The following FRMPD4 variants were observed in gnomAD, a reference collection of about 807,000 sequenced individuals.
The protein encoded by FRMPD4 is FERM and PDZ domain containing 4.
In FRMPD4, 22 loss-of-function variants were observed where a neutral mutation model predicts 94.1. That is an observed-to-expected ratio of 0.23 (90% confidence interval 0.17 to 0.33). The LOEUF is 0.33. FRMPD4 is among the 10% of genes least tolerant of loss of function. The probability of loss-of-function intolerance (pLI) is 1.00; values close to 1 mark genes in which losing one functional copy is unlikely to be tolerated. For missense variants in FRMPD4, 1,111 were observed against 1,339.9 expected, an observed-to-expected ratio of 0.83 and a Z score of 2.67; for synonymous variants, 631 against 548.6, an observed-to-expected ratio of 1.15 and a Z score of -2.10.
At chrX:12,498,231 T>A (rs1306676451) in intron 1 of FRMPD4, among the ~76,000 whole-genome samples, 1 of 110,964 alleles carries the variant, frequency 9.0e-6, no homozygotes, top group Non-Finnish European at 1.9e-5. Flanking sequence ...TAAAATAGCA[T>A]CATTTACTTC....
In FRMPD4 at chrX:12,440,439, A is replaced by G. The variant is rs139212742; in HGVS notation, c.42-58241A>G. Reference sequence around the variant, plus strand: ...GAAAGCCAAGCAAATGCAAAACTTCAGGGAATTCCTACAGAGCAGAGCTTC... The same window carrying G: ...GAAAGCCAAGCAAATGCAAAACTTCGGGGAATTCCTACAGAGCAGAGCTTC... On this transcript the variant is annotated intron_variant, in intron 1 of 16. Transcript: ENST00000675598. 4.1e-4 allele frequency among the ~76,000 whole-genome samples: 46 copies of G among 111,911 alleles called. 1 individual carries two copies. In the East Asian group the frequency reaches 9.6e-3, roughly 23 times the overall value.
intron 1 of FRMPD4, among the ~76,000 whole-genome samples, chrX:12,310,230 G>A (rs981413591): frequency 7.3e-5 from 8 of 109,179 alleles, no homozygotes; most frequent in African/African-American, 2.3e-4. Context: ...GTGGGGGGTC[G>A]CAAGGTGCTC....
At chrX:11,867,858 G>C (rs774834783) in intron 2 of FRMPD4, among the ~76,000 whole-genome samples, 240 of 111,063 alleles carry the variant, frequency 2.2e-3, no homozygotes, top group Middle Eastern at 4.7e-3. Flanking sequence ...GCCTGCCTCA[G>C]CACATTTCCA....
chrX:11,907,924 C>T (rs1295493121), intron 3 of FRMPD4, among the ~76,000 whole-genome samples: 1 of 109,740 alleles, frequency 9.1e-6, no homozygotes, highest in Non-Finnish European at 1.9e-5. Flanking sequence ...TAATGTGGCT[C>T]TTCTTTCCTC....
At chrX:12,712,814 G>A (rs2042010390) in intron 14 of FRMPD4, among the ~76,000 whole-genome samples, 1 of 111,841 alleles carries the variant, frequency 8.9e-6, no homozygotes, top group East Asian at 2.8e-4. Flanking sequence ...GGTGGCTCAT[G>A]CCTGTAGTCT....
At chrX:12,356,618 A>G (rs2055899669) in intron 1 of FRMPD4, among the ~76,000 whole-genome samples, 2 of 112,090 alleles carry the variant, frequency 1.8e-5, no homozygotes, top group South Asian at 3.8e-4. Flanking sequence ...AAACCACTCA[A>G]TTGTATACTT....
chrX:12,352,618 A>G (rs1019511029), intron 1 of FRMPD4, among the ~76,000 whole-genome samples: 1 of 112,219 alleles, frequency 8.9e-6, no homozygotes, highest in Admixed American at 9.5e-5. Context: ...ACAGGGGTCT[A>G]CTATTGTGGT....
chrX:11,877,507 C>T (rs1211235021), intron 2 of FRMPD4, among the ~76,000 whole-genome samples: 2 of 111,662 alleles, frequency 1.8e-5, no homozygotes, highest in Non-Finnish European at 3.8e-5. Flanking sequence ...CTAACTGCAC[C>T]GGGTTGTCCT....
At chrX:12,175,523 G>A in intron 1 of FRMPD4, among the ~76,000 whole-genome samples, 1 of 111,703 alleles carries the variant, frequency 9.0e-6, no homozygotes, top group Non-Finnish European at 1.9e-5. Context: ...ACGTATTTTT[G>A]TTGTTGTCGT....
chrX:12,210,841 T>A (rs2056747874), intron 1 of FRMPD4, among the ~76,000 whole-genome samples: 1 of 111,828 alleles, frequency 8.9e-6, no homozygotes, highest in Non-Finnish European at 1.9e-5. Context: ...AGAGGCAACA[T>A]TGAATGGTAA....
rs1222557702 is a variant in FRMPD4 at position 12,621,976 on chromosome X, A to AAG, written c.422+7097_422+7098dup. Among the ~76,000 whole-genome samples, 17 of 24,870 alleles carry AAG rather than the reference A, an allele frequency of 6.8e-4. 1 individual carries two copies. Among genetic ancestry groups the AAG allele is most frequent in the African/African-American group, 3.4e-3 (13 of 3,809 alleles). The allele number at this position is 24,870 out of a possible 115,157, so 21.6% of individuals were successfully genotyped here. A position where few individuals can be genotyped will look rare whatever the true frequency, so the allele number is the denominator to read the frequency against. ...AGAGAGAAAGAAAGAAAGAGAAAGA[A>AAG]AGAAAGAAAGAAAGAAAGAAAGAAA... On this transcript the variant is annotated intron_variant, in intron 4 of 16. Transcript: ENST00000675598.
At chrX:12,193,867 AAG>A (rs71967675) in intron 1 of FRMPD4, among the ~76,000 whole-genome samples, 11,992 of 88,273 alleles carry the variant, frequency 0.14, 1,548 homozygotes, top group East Asian at 0.56. Context: ...GGAAGGAAGG[AAG>A]AGAGAGAGAA....
At chrX:12,351,851 T>C (rs2055819590) in intron 1 of FRMPD4, among the ~76,000 whole-genome samples, 1 of 112,964 alleles carries the variant, frequency 8.9e-6, no homozygotes, top group Non-Finnish European at 1.9e-5. Context: ...CTCAATGTTA[T>C]AGAATTCTAT....
rs182971279 is a variant in FRMPD4 at position 12,013,390 on chromosome X, T to A, written c.95+135372T>A. Among the ~76,000 whole-genome samples the A allele has an allele frequency of 2.5e-3, 275 of 112,049 alleles. 1 individual carries two copies. Among genetic ancestry groups the A allele is most frequent in the African/African-American group, 7.8e-3 (241 of 30,848 alleles). On this transcript the variant is annotated intron_variant, in intron 3 of 18. Coordinates refer to the FRMPD4 transcript ENST00000640291. ...TCCCAAAGATCTCGCCACTGTGGGG[T>A]ACATGGTAAGCATCATCTCCAGGGC...
chrX:12,139,177 T>C (rs1027152169), intron 1 of FRMPD4, among the ~76,000 whole-genome samples, 165 bp downstream of exon 1: 4 of 111,829 alleles, frequency 3.6e-5, no homozygotes, highest in African/African-American at 1.3e-4. Context: ...TCTCACTGGC[T>C]GCTGAGGCTT....
chrX:12,603,679 T>A (rs1214776523), intron 2 of FRMPD4, among the ~76,000 whole-genome samples: 1 of 111,190 alleles, frequency 9.0e-6, no homozygotes, highest in Non-Finnish European at 1.9e-5. Context: ...GGACAGAGGA[T>A]GGAGGTTTGA....
chrX:11,989,130 AAT>A (rs1179052886), intron 3 of FRMPD4, among the ~76,000 whole-genome samples: 3 of 112,047 alleles, frequency 2.7e-5, no homozygotes, highest in Non-Finnish European at 5.7e-5. Context: ...AAAGGAAGTA[AAT>A]ATATCAAAGA....
chrX:12,466,168 C>T (rs2057447173), intron 1 of FRMPD4, among the ~76,000 whole-genome samples: 2 of 111,936 alleles, frequency 1.8e-5, no homozygotes, highest in Non-Finnish European at 3.8e-5. Flanking sequence ...AGTGTATTTC[C>T]AGCCTGAGTA....
rs777160958 is a variant in FRMPD4, at chrX:12,272,018, C to G, written c.41+133006C>G. ...GTGATTAACAACAGGGATTATGGAG[C>G]CAGATTGCCCAGATTCAAATCCTGG... On this transcript the variant is annotated intron_variant, in intron 1 of 16. Coordinates refer to ENST00000675598, the MANE Select transcript of FRMPD4 (RefSeq NM_001368397.1). 2.7e-5 allele frequency among the ~76,000 whole-genome samples: 3 copies of G among 112,087 alleles called. No individual in the cohort carries two copies. The South Asian group carries it at 1.1e-3, about 42-fold the overall frequency.
Sources: allele counts gnomAD v4.1 joint callset (sites outside exome capture counted in the v4.1 genomes callset), GRCh38; gene constraint gnomAD v4.1.1; transcripts MANE v1.5; gene names NCBI Gene and HGNC (gene_info 2026-07-23, HGNC 2026-07-21).